The following COL24A1 variants were observed in gnomAD, a reference collection of about 807,000 sequenced individuals.
COL24A1 encodes collagen type XXIV alpha 1 chain.
COL24A1 carries 224 observed loss-of-function variants against 253.9 expected under a neutral mutation model. That is an observed-to-expected ratio of 0.88 (90% CI 0.79 to 0.99). COL24A1 has a LOEUF of 0.99. COL24A1 is among the 50% of genes least tolerant of loss of function. COL24A1 has a pLI of 0.00. For missense variants in COL24A1, 2,131 were observed against 2,068.5 expected, an observed-to-expected ratio of 1.03 and a Z score of -0.59; for synonymous variants, 685 against 673.7, an observed-to-expected ratio of 1.02 and a Z score of -0.26.
chr1:86,011,770 T>C (rs2101151184), intron 19 of COL24A1, among the ~76,000 whole-genome samples: 1 of 152,338 alleles, frequency 6.6e-6, no homozygotes, highest in South Asian at 2.1e-4. Flanking sequence ...GATGATAATT[T>C]CCATGCAGAG....
intron 51 of COL24A1, among the ~76,000 whole-genome samples, chr1:85,782,731 T>A (rs1669264311): frequency 6.6e-6 from 1 of 152,230 alleles, no homozygotes. Flanking sequence ...CTTCCCTTTT[T>A]CCTCTCTCTG....
chr1:85,783,432 C>T (rs1669339159), intron 51 of COL24A1, 64 bp downstream of exon 51: 1 of 1,330,726 alleles, frequency 7.5e-7, no homozygotes, highest in South Asian at 1.2e-5. Context: ...ACATTTAGAG[C>T]TCTTAAGCCC....
At chr1:85,955,387 G>A (rs1353876187) in intron 24 of COL24A1, among the ~76,000 whole-genome samples, 1 of 152,194 alleles carries the variant, frequency 6.6e-6, no homozygotes, top group South Asian at 2.1e-4. Flanking sequence ...GCAAGAACCC[G>A]GGATACAGAA....
chr1:86,058,080 T>G, intron 9 of COL24A1, 105 bp from the exon 10 acceptor site: 1 of 848,054 alleles, frequency 1.2e-6, no homozygotes, highest in Non-Finnish European at 1.8e-6. Flanking sequence ...TTCAAAACTA[T>G]AGAATTCAGA....
At chr1:85,815,158 G>C (rs1171264747) in intron 47 of COL24A1, among the ~76,000 whole-genome samples, 3 of 152,072 alleles carry the variant, frequency 2.0e-5, no homozygotes. Context: ...CTTATTCAAA[G>C]CAACAGGAAA....
intron 47 of COL24A1, among the ~76,000 whole-genome samples, chr1:85,795,993 T>A (rs977821717): frequency 3.3e-5 from 5 of 152,190 alleles, no homozygotes; most frequent in Non-Finnish European, 7.4e-5. Flanking sequence ...TAGGTGATTA[T>A]ATGCAAGGCT....
At chr1:86,025,062 A>G (rs1697895234) in intron 14 of COL24A1, among the ~76,000 whole-genome samples, 1 of 152,144 alleles carries the variant, frequency 6.6e-6, no homozygotes, top group African/African-American at 2.4e-5. Flanking sequence ...ACTATAAAGT[A>G]AAATTGAATA....
intron 53 of COL24A1, among the ~76,000 whole-genome samples, chr1:85,772,059 T>C (rs201317593): frequency 0.092 from 13,524 of 146,254 alleles, 674 homozygotes; most frequent in Middle Eastern, 0.15. Context: ...GTTTGGTTTT[T>C]TGTTCTTGCG....
chr1:85,916,669 A>T (rs1354167476), intron 24 of COL24A1, among the ~76,000 whole-genome samples: 2 of 152,156 alleles, frequency 1.3e-5, no homozygotes, highest in African/African-American at 4.8e-5. Context: ...TCCAAAATAC[A>T]TAAAAAGAAA....
At chr1:86,148,702 G>C (rs1483480043) in intron 1 of COL24A1, among the ~76,000 whole-genome samples, 1 of 152,154 alleles carries the variant, frequency 6.6e-6, no homozygotes. Context: ...TGGCTGCATA[G>C]TATTCCATGG....
chr1:86,049,527 T>C (rs949041735), intron 11 of COL24A1, among the ~76,000 whole-genome samples: 26 of 152,276 alleles, frequency 1.7e-4, no homozygotes, highest in African/African-American at 6.0e-4. Context: ...ATACTGGCAA[T>C]GTAAATGAAG....
chr1:85,881,250 AT>A (rs1681802794), intron 32 of COL24A1, among the ~76,000 whole-genome samples: 2 of 180 alleles, frequency 0.011, no homozygotes. Flanking sequence ...TGGATATCAA[AT>A]CAAATCAAAT....
chr1:85,787,978 A>G (rs1669860945), intron 47 of COL24A1, among the ~76,000 whole-genome samples: 1 of 152,154 alleles, frequency 6.6e-6, no homozygotes, highest in Non-Finnish European at 1.5e-5. Flanking sequence ...TTCTCTAATA[A>G]TCAATGATGC....
chr1:85,822,701 C>T (rs181251086), intron 45 of COL24A1, among the ~76,000 whole-genome samples: 1 of 152,182 alleles, frequency 6.6e-6, no homozygotes, highest in Non-Finnish European at 1.5e-5. Flanking sequence ...GGCTCCTGAA[C>T]CTTCTAAGCC....
In COL24A1 at chr1:85,818,041, C is replaced by T. The variant is rs1353705080; in HGVS notation, c.3836G>A (p.Gly1279Glu). 2 of 1,613,268 alleles carry T rather than the reference C, an allele frequency of 1.2e-6. No homozygotes were observed. The highest frequency in any genetic ancestry group is 2.7e-5 in the African/African-American group (2 of 74,840). ...AAGAGGCCTGTTACTTACAGGAATC[C>T]CAGGTTTCCCAGAAGGACCAGGAGC... ...KGAPGPSGKPGIPGLQGLLGP... is the reference protein window; with the variant it reads ...KGAPGPSGKPEIPGLQGLLGP... Residue 1279 changes from glycine (G) to glutamate (E), a missense_variant, in exon 46 of 60, where the codon GGG (glycine) becomes GAG (glutamate). Gly to Glu is a moderately conservative substitution (Grantham distance 98). Transcript: ENST00000370571.
At chr1:86,127,825 T>G (rs1226111987) in intron 2 of COL24A1, among the ~76,000 whole-genome samples, 1 of 152,072 alleles carries the variant, frequency 6.6e-6, no homozygotes, top group Non-Finnish European at 1.5e-5. Context: ...GTCTCACAAC[T>G]GTGTACAACA....
intron 24 of COL24A1, among the ~76,000 whole-genome samples, chr1:85,924,246 G>T (rs941567778): frequency 6.6e-5 from 10 of 152,282 alleles, no homozygotes; most frequent in African/African-American, 2.4e-4. Flanking sequence ...GAGGTACAAA[G>T]AGGAGCTGAT....
At chr1:85,786,270 A>G in intron 48 of COL24A1, 84 bp downstream of exon 48, 1 of 1,170,966 alleles carries the variant, frequency 8.5e-7, no homozygotes, top group Middle Eastern at 2.0e-4. Context: ...TATTAATCTT[A>G]CCATTCTGTG....
At chr1:85,966,695 A>C (rs954674638) in intron 22 of COL24A1, among the ~76,000 whole-genome samples, 2 of 152,168 alleles carry the variant, frequency 1.3e-5, no homozygotes, top group Admixed American at 6.6e-5. Flanking sequence ...AATATTGAGT[A>C]ATAAGAGGAC....
Sources: allele counts gnomAD v4.1 joint callset (sites outside exome capture counted in the v4.1 genomes callset), GRCh38; gene constraint gnomAD v4.1.1; transcripts MANE v1.5; gene names NCBI Gene and HGNC (gene_info 2026-07-23, HGNC 2026-07-21).